SPART: variants seen among roughly 807,000 people sequenced by gnomAD.
SPART encodes spartin.
SPART carries 35 observed loss-of-function variants against 58.7 expected under a neutral mutation model. The observed-to-expected ratio is 0.60, with a 90% confidence interval of 0.46 to 0.79. SPART has a LOEUF of 0.79. Among genes scored for constraint, SPART ranks in the 30% least tolerant of loss-of-function variants. SPART has a pLI of 0.00. For missense variants in SPART, 730 were observed against 786.1 expected (o/e 0.93, Z 0.85); for synonymous variants, 284 against 280.7 (o/e 1.01, Z -0.12).
At chr13:36,340,694 T>A (rs1884490487) in intron 1 of SPART, among the ~76,000 whole-genome samples, 1 of 152,032 alleles carries the variant, frequency 6.6e-6, no homozygotes, top group Non-Finnish European at 1.5e-5. Context: ...AGGCAAACAC[T>A]CCAGGGTGGA....
chr13:36,313,655 C>T (rs1286453559), intron 6 of SPART, among the ~76,000 whole-genome samples: 2 of 152,128 alleles, frequency 1.3e-5, no homozygotes, highest in Admixed American at 1.3e-4. Context: ...AAATACTTAC[C>T]ATTGTGTTAC....
intron 1 of SPART, chr13:36,345,528 G>A (rs151295462): frequency 6.6e-6 from 1 of 152,134 alleles, no homozygotes; most frequent in Non-Finnish European, 1.5e-5. Flanking sequence ...GGCCAACCTC[G>A]AGGATCCTCG....
intron 1 of SPART, among the ~76,000 whole-genome samples, chr13:36,339,556 G>A (rs1199689558): frequency 1.5e-5 from 2 of 137,718 alleles, no homozygotes; most frequent in South Asian, 2.3e-4. Context: ...GCTTGAACCC[G>A]GAAGGCAGAG....
At chr13:36,338,630 A>T (rs1381003304) in intron 1 of SPART, among the ~76,000 whole-genome samples, 1 of 152,196 alleles carries the variant, frequency 6.6e-6, no homozygotes, top group Non-Finnish European at 1.5e-5. Flanking sequence ...AGAAGAGTGT[A>T]AAATAAAGTG....
intron 8 of SPART, among the ~76,000 whole-genome samples, chr13:36,310,649 AC>A (rs905378512): frequency 2.6e-5 from 4 of 151,738 alleles, no homozygotes; most frequent in Non-Finnish European, 5.9e-5. Flanking sequence ...AACCCAACAC[AC>A]CCCCACAGCT....
intron 1 of SPART, among the ~76,000 whole-genome samples, chr13:36,364,484 G>A (rs1316473421): frequency 1.3e-5 from 2 of 152,124 alleles, no homozygotes; most frequent in Non-Finnish European, 2.9e-5. Context: ...ACTGTGTGCT[G>A]GATACTGTCC....
chr13:36,308,531 T>C (rs778346806), intron 8 of SPART: 4 of 152,136 alleles, frequency 2.6e-5, no homozygotes, highest in Non-Finnish European at 4.4e-5. Context: ...CTATTTATCA[T>C]ATTAAGTTCT....
chr13:36,336,909 G>A (rs1260943269), intron 1 of SPART, among the ~76,000 whole-genome samples: 1 of 152,144 alleles, frequency 6.6e-6, no homozygotes, highest in African/African-American at 2.4e-5. Context: ...ACTTCATATT[G>A]AGACCACATA....
intron 1 of SPART, chr13:36,368,310 G>C (rs1249073157): frequency 1.2e-5 from 4 of 333,972 alleles, no homozygotes; most frequent in Non-Finnish European, 2.5e-5. Context: ...AACAAATCTG[G>C]AAGGCTTTTG....
At chr13:36,368,155 A>G in intron 1 of SPART, 1 of 456,730 alleles carries the variant, frequency 2.2e-6, no homozygotes, top group South Asian at 1.6e-5. Context: ...CATGTCAACA[A>G]AAAATAAATT....
At chr13:36,340,963 C>T (rs1285770336) in intron 1 of SPART, among the ~76,000 whole-genome samples, 1 of 152,072 alleles carries the variant, frequency 6.6e-6, no homozygotes, top group Non-Finnish European at 1.5e-5. Flanking sequence ...AATTATGGTA[C>T]AACCATATTG....
At chr13:36,341,736 T>G (rs1008408878) in intron 1 of SPART, among the ~76,000 whole-genome samples, 3 of 152,222 alleles carry the variant, frequency 2.0e-5, no homozygotes, top group Non-Finnish European at 2.9e-5. Context: ...TAACCTGAAG[T>G]GCCACTAGTC....
intron 1 of SPART, among the ~76,000 whole-genome samples, chr13:36,362,804 TA>T (rs1166699687): frequency 1.6e-4 from 23 of 139,632 alleles, no homozygotes; most frequent in Non-Finnish European, 2.8e-4. Context: ...TTTTTTTTTT[TA>T]AATGAGATTT....
chr13:36,367,218 G>C (rs1427917130), intron 1 of SPART, among the ~76,000 whole-genome samples: 1 of 152,144 alleles, frequency 6.6e-6, no homozygotes. Flanking sequence ...GCAAATGCTG[G>C]CTATCAGAAA....
Position 36,331,250 on chromosome 13 carries a change from C to T in SPART, c.1008+149G>A. 4 of 737,384 alleles carry T rather than the reference C, an allele frequency of 5.4e-6. 1 individual carries two copies. In the South Asian group the frequency reaches 6.2e-5, roughly 11 times the overall value. 45.7% of individuals were successfully genotyped at this position (737,384 alleles called of 1,614,324 possible). ...TCTTAACCACTATTACAGCAAATTC[C>T]AAGCATGTAGTTGTGAACACACAAA... On this transcript the variant is annotated intron_variant, in intron 3 of 8. Coordinates refer to ENST00000438666, the MANE Select transcript of SPART (RefSeq NM_015087.5).
chr13:36,306,069 C>T (rs1372419145), intron 8 of SPART, among the ~76,000 whole-genome samples: 2 of 152,170 alleles, frequency 1.3e-5, no homozygotes, highest in African/African-American at 4.8e-5. Flanking sequence ...CTATTCTGTC[C>T]TTTGCCTAAT....
rs1885511789 is a variant in SPART at position 36,353,721 on chromosome 13, A to G, written c.-3+16368T>C. ...GAACTGTAATTAGGAAAGAAGCAGCAGTCACTCGTATTAGCCAAGACAGGC... is the reference window on the plus strand; with the variant it reads ...GAACTGTAATTAGGAAAGAAGCAGCGGTCACTCGTATTAGCCAAGACAGGC... On this transcript the variant is annotated intron_variant, in intron 1 of 8. Coordinates refer to the SPART transcript ENST00000355182. Among the ~76,000 whole-genome samples, 8 of 152,210 alleles carry G rather than the reference A, an allele frequency of 5.3e-5. No individual in the cohort carries two copies. The South Asian group carries it at 1.7e-3, about 32-fold the overall frequency.
chr13:36,366,189 C>T (rs941903573), intron 1 of SPART, among the ~76,000 whole-genome samples: 1 of 152,148 alleles, frequency 6.6e-6, no homozygotes, highest in African/African-American at 2.4e-5. Context: ...TACTCAGCGC[C>T]GCCTCTCTTT....
chr13:36,341,671 G>A (rs780703497), intron 1 of SPART, among the ~76,000 whole-genome samples: 4 of 152,182 alleles, frequency 2.6e-5, no homozygotes, highest in Non-Finnish European at 5.9e-5. Context: ...AAGCATCACA[G>A]AAAGCATTCA....
Sources: gnomAD v4.1 joint callset for allele counts (sites outside exome capture counted in the v4.1 genomes callset) on GRCh38, gnomAD v4.1.1 for gene constraint, MANE v1.5 for transcripts, NCBI Gene and HGNC (gene_info 2026-07-23, HGNC 2026-07-21) for gene names.